CPVL: variants seen among roughly 807,000 people sequenced by gnomAD.
CPVL encodes probable serine carboxypeptidase CPVL.
In CPVL, 51 loss-of-function variants were observed where a neutral mutation model predicts 63.7. The observed-to-expected ratio is 0.80, with a 90% CI of 0.64 to 1.01. CPVL has a LOEUF of 1.01. CPVL is among the 50% of genes least tolerant of loss of function. CPVL has a pLI of 0.00. For missense variants in CPVL, 530 were observed against 573.1 expected (o/e 0.92, Z 0.77); for synonymous variants, 195 against 206.0 (o/e 0.95, Z 0.46).
intron 5 of CPVL, among the ~76,000 whole-genome samples, chr7:29,171,521 C>A (rs1796601696): frequency 6.6e-6 from 1 of 152,138 alleles, no homozygotes; most frequent in African/African-American, 2.4e-5. Flanking sequence ...CAATTCAGCC[C>A]CGAGCTTTCT....
intron 5 of CPVL, among the ~76,000 whole-genome samples, chr7:29,174,243 C>G (rs1015945824): frequency 3.3e-5 from 5 of 152,178 alleles, no homozygotes; most frequent in African/African-American, 9.7e-5. Flanking sequence ...AAGCAGCAAG[C>G]CCTTGAGAAG....
chr7:29,137,654 T>C (rs984938026), intron 1 of CPVL, among the ~76,000 whole-genome samples: 2 of 152,198 alleles, frequency 1.3e-5, no homozygotes, highest in Non-Finnish European at 2.9e-5. Context: ...TGCTCTTTGT[T>C]AGAAAAGAAA....
chr7:29,088,759 G>A (rs756116580), intron 6 of CPVL, among the ~76,000 whole-genome samples: 52 of 152,134 alleles, frequency 3.4e-4, no homozygotes, highest in African/African-American at 1.2e-3. Context: ...GGCAGATCAC[G>A]AGGTCAAGAG....
chr7:29,109,597 T>C (rs778265513), intron 3 of CPVL, among the ~76,000 whole-genome samples: 165 of 152,330 alleles, frequency 1.1e-3, no homozygotes, highest in Non-Finnish European at 1.6e-4. Context: ...GTGGGCTTCC[T>C]GGTAAGAGGT....
chr7:29,030,876 A>G (rs566890663), intron 11 of CPVL, 117 bp from the exon 12 acceptor site: 1 of 876,252 alleles, frequency 1.1e-6, no homozygotes, highest in South Asian at 1.9e-5. Context: ...TCTCTCTGAG[A>G]TTTTCTTCTA....
intron 3 of CPVL, among the ~76,000 whole-genome samples, chr7:29,103,368 C>T (rs1330985223): frequency 4.7e-5 from 7 of 150,318 alleles, no homozygotes; most frequent in African/African-American, 1.7e-4. Context: ...GCCTCAGCCT[C>T]CTGAGTAGCT....
chr7:29,022,067 G>A (rs1438221288), intron 12 of CPVL, among the ~76,000 whole-genome samples: 2 of 152,112 alleles, frequency 1.3e-5, no homozygotes, highest in African/African-American at 4.8e-5. Context: ...CTGCCTGCCT[G>A]GGGCTGTTGC....
intron 5 of CPVL, among the ~76,000 whole-genome samples, chr7:29,160,399 C>G (rs549726442): frequency 1.3e-5 from 2 of 152,260 alleles, no homozygotes; most frequent in African/African-American, 4.8e-5. Flanking sequence ...ATTCCCCTTC[C>G]TGTTTGGTAT....
At chr7:29,111,369 G>A (rs995003643) in intron 3 of CPVL, among the ~76,000 whole-genome samples, 2 of 152,176 alleles carry the variant, frequency 1.3e-5, no homozygotes, top group African/African-American at 4.8e-5. Flanking sequence ...GCTCCCAGTT[G>A]GGCTCTACCT....
At chr7:29,123,610 AAAAAAAAAAAAAAAAAAAAT>A (rs1376994367) in intron 1 of CPVL, among the ~76,000 whole-genome samples, 1,648 of 92,482 alleles carry the variant, frequency 0.018, 10 homozygotes, top group Non-Finnish European at 0.02. Context: ...AAAAAAAAAA[AAAAAAAAAAAAAAAAAAAAT>A]ATATATATAT....
intron 5 of CPVL, among the ~76,000 whole-genome samples, chr7:29,164,244 T>C (rs1339908979): frequency 6.6e-6 from 1 of 152,232 alleles, no homozygotes; most frequent in Non-Finnish European, 1.5e-5. Context: ...TAATGACTAA[T>C]GATGTCCAGC....
chr7:29,050,012 T>G (rs566308153), intron 11 of CPVL, among the ~76,000 whole-genome samples: 1 of 152,166 alleles, frequency 6.6e-6, no homozygotes, highest in Admixed American at 6.5e-5. Context: ...ACAAGGGACA[T>G]ACCTCAATGT....
At chr7:29,003,773 G>A (rs1227012907) in intron 12 of CPVL, among the ~76,000 whole-genome samples, 1 of 152,162 alleles carries the variant, frequency 6.6e-6, no homozygotes, top group Non-Finnish European at 1.5e-5. Context: ...ATGGTTTGGG[G>A]ATGACACTGT....
intron 3 of CPVL, among the ~76,000 whole-genome samples, chr7:29,104,148 T>G (rs1203754712): frequency 6.6e-6 from 1 of 152,218 alleles, no homozygotes; most frequent in African/African-American, 2.4e-5. Flanking sequence ...GACATTCATG[T>G]TTTTCAAAGA....
intron 6 of CPVL, among the ~76,000 whole-genome samples, chr7:29,091,201 G>A (rs958890060): frequency 6.6e-6 from 1 of 152,210 alleles, no homozygotes; most frequent in African/African-American, 2.4e-5. Context: ...TGGACCACAT[G>A]TCAGCAGTCG....
At chr7:29,105,652 TATTTA>T (rs1787649998) in intron 3 of CPVL, among the ~76,000 whole-genome samples, 1 of 152,194 alleles carries the variant, frequency 6.6e-6, no homozygotes, top group South Asian at 2.1e-4. Flanking sequence ...TTTAATTTTT[TATTTA>T]ATTTATTTTT....
intron 2 of CPVL, among the ~76,000 whole-genome samples, chr7:29,120,606 G>A (rs1438031715): frequency 2.0e-5 from 3 of 151,326 alleles, no homozygotes; most frequent in Admixed American, 6.6e-5. Context: ...GGTGAATCTC[G>A]AGGTCAAGAG....
At chr7:29,166,828 A>G (rs970155431) in intron 5 of CPVL, among the ~76,000 whole-genome samples, 2 of 151,924 alleles carry the variant, frequency 1.3e-5, no homozygotes, top group Admixed American at 6.6e-5. Context: ...GATATTCTCT[A>G]TTTTTTGTTT....
chr7:29,030,645 C>CT lies in CPVL; in HGVS notation c.1251dup (p.Val418SerfsTer6), dbSNP rs1371094883. ...CTGTCAGATTTAAAGATCTTCCAAA[C>CT]TTTTTTTTCTGCCTTCTTGTATTCC... On this transcript the variant is annotated frameshift_variant, in exon 12 of 13. Coordinates refer to ENST00000265394, the MANE Select transcript of CPVL (RefSeq NM_031311.5). LOFTEE classifies it high-confidence loss of function. 1.2e-5 allele frequency: 19 copies of CT among 1,613,640 alleles called. No homozygotes were observed. The highest frequency in any genetic ancestry group is 2.7e-5 in the African/African-American group (2 of 74,880).
Sources: gnomAD v4.1 joint callset for allele counts (sites outside exome capture counted in the v4.1 genomes callset) on GRCh38, gnomAD v4.1.1 for gene constraint, MANE v1.5 for transcripts, NCBI Gene and HGNC (gene_info 2026-07-23, HGNC 2026-07-21) for gene names.